Variants in POT1 observed in about 807,000 individuals in gnomAD.
POT1 encodes protection of telomeres protein 1.
In POT1, 47 loss-of-function variants were observed where a neutral mutation model predicts 78.5. That is an observed-to-expected ratio of 0.60 (90% CI 0.47 to 0.76). The LOEUF is 0.76. Among genes scored for constraint, POT1 ranks in the 30% least tolerant of loss-of-function variants. The pLI, the probability that POT1 is intolerant of heterozygous loss-of-function variation, is 0.00. For synonymous variants in POT1, 259 were observed against 260.7 expected (o/e 0.99, Z 0.06); for missense variants, 646 against 749.9 (o/e 0.86, Z 1.62).
At chr7:124,898,813 A>G (rs1796553468) in intron 3 of POT1, among the ~76,000 whole-genome samples, 1 of 152,156 alleles carries the variant, frequency 6.6e-6, no homozygotes, top group Admixed American at 6.5e-5. Context: ...CATGGACATA[A>G]TAAGAAATTT....
chr7:124,911,957 A>G (rs1234672079), intron 3 of POT1, among the ~76,000 whole-genome samples: 5 of 152,130 alleles, frequency 3.3e-5, no homozygotes, highest in Admixed American at 2.0e-4. Flanking sequence ...CCCTTATTTT[A>G]TATTTGATTA....
At chr7:124,903,756 A>C (rs965994848) in intron 3 of POT1, among the ~76,000 whole-genome samples, 1 of 152,140 alleles carries the variant, frequency 6.6e-6, no homozygotes, top group African/African-American at 2.4e-5. Context: ...TGAAAAGATC[A>C]ACAAAATTGA....
chr7:124,900,886 A>G lies in POT1; in HGVS notation c.-153-2512T>C. The G allele has an allele frequency of 8.8e-6, 3 of 340,228 alleles. 1 individual carries two copies. Among genetic ancestry groups the G allele is most frequent in the South Asian group, 7.0e-5 (3 of 43,106 alleles). The allele number at this position is 340,228 out of a possible 1,614,324, so 21.1% of individuals were successfully genotyped here. On this transcript the variant is annotated intron_variant, in intron 3 of 18. Coordinates refer to ENST00000357628, the MANE Select transcript of POT1 (RefSeq NM_015450.3). The stretch of plus-strand genomic sequence containing the variant: ...GGCTCATCAGGTCCCATGCCCACAG[A>G]GTTTTGCTCATTGCTGGCACAGCAG...
chr7:124,829,325 C>G lies in POT1; in HGVS notation c.1523G>C (p.Ser508Thr). The G allele has an allele frequency of 6.3e-7, 1 of 1,582,500 alleles. No individual in the cohort carries two copies. Among genetic ancestry groups the G allele is most frequent in the East Asian group, 2.2e-5 (1 of 44,666 alleles). ...ATTTAGATTTTGTATGGATCTCAAA[C>G]TAGAACACTGTTTACATCTGAAATT... The part of the protein sequence containing the change: ...IHHYGCKQCS[S>T]LRSIQNLNSL... The change falls in exon 16 of 19, where the codon AGT becomes ACT. Residue 508 changes from serine to threonine, a missense_variant. By Grantham distance (58) the Ser-to-Thr change is moderately conservative. Coordinates refer to ENST00000357628, the MANE Select transcript of POT1 (RefSeq NM_015450.3).
At chr7:124,879,981 C>G (rs1450402253) in intron 6 of POT1, among the ~76,000 whole-genome samples, 1 of 152,062 alleles carries the variant, frequency 6.6e-6, no homozygotes, top group Non-Finnish European at 1.5e-5. Context: ...TCCCCAAACA[C>G]TATACTGGCT....
rs76234220 is a variant in POT1 at position 124,880,397 on chromosome 7, T to C, written c.125-9356A>G. Among the ~76,000 whole-genome samples, 1,100 of 152,192 alleles carry C rather than the reference T, an allele frequency of 7.2e-3. 14 individuals carry two copies. Among genetic ancestry groups the C allele is most frequent in the African/African-American group, 0.024 (1,018 of 41,566 alleles). ...ACAGGAAAAAAACTGTGAATTTAAC[T>C]AGGCATAAATAATACTAAATAGTTT... On this transcript the variant is annotated intron_variant, in intron 6 of 18. Coordinates refer to ENST00000357628, the MANE Select transcript of POT1 (RefSeq NM_015450.3).
chr7:124,830,005 G>A (rs1307077650), intron 15 of POT1, among the ~76,000 whole-genome samples: 1 of 152,024 alleles, frequency 6.6e-6, no homozygotes, highest in African/African-American at 2.4e-5. Context: ...GCCTCTGTAA[G>A]TAATATCTTA....
intron 2 of POT1, among the ~76,000 whole-genome samples, chr7:124,927,546 C>T (rs1001258843): frequency 8.5e-5 from 13 of 152,152 alleles, no homozygotes; most frequent in African/African-American, 3.1e-4. Flanking sequence ...TCTTACGTAT[C>T]AAAGACTCCT....
At chr7:124,903,011 C>T (rs540330120) in intron 3 of POT1, among the ~76,000 whole-genome samples, 19 of 152,070 alleles carry the variant, frequency 1.2e-4, no homozygotes, top group African/African-American at 1.9e-4. Flanking sequence ...ACAGGAACGC[C>T]GAGATTCATA....
Position 124,823,318 on chromosome 7 carries a change from G to A in POT1, c.*644C>T, listed in dbSNP as rs945003966. The stretch of plus-strand genomic sequence containing the variant: ...ACCAGGTAATTTATATCTGTCTTTG[G>A]CAAATAACATACACAAATCTATATA... On this transcript the variant is annotated 3_prime_UTR_variant, in exon 19 of 19. Transcript: ENST00000357628. 6.6e-6 allele frequency: 1 copy of A among 151,322 alleles called. No homozygotes were observed. The highest frequency in any genetic ancestry group is 2.4e-5 in the African/African-American group (1 of 41,214). 9.4% of individuals were successfully genotyped at this position (151,322 alleles called of 1,614,324 possible). A position where few individuals can be genotyped will look rare whatever the true frequency, so the allele number is the denominator to read the frequency against.
intron 5 of POT1, among the ~76,000 whole-genome samples, chr7:124,895,492 T>C (rs1796470596): frequency 6.6e-6 from 1 of 151,600 alleles, no homozygotes; most frequent in Non-Finnish European, 1.5e-5. Context: ...AATAAAAGCC[T>C]GAAGAGAGAA....
At chr7:124,888,912 C>T (rs958516630) in intron 6 of POT1, among the ~76,000 whole-genome samples, 1 of 151,914 alleles carries the variant, frequency 6.6e-6, no homozygotes, top group Non-Finnish European at 1.5e-5. Flanking sequence ...TCTCCTGAGG[C>T]TCCTTATTCT....
At chr7:124,829,142 A>G in intron 16 of POT1, 112 bp downstream of exon 16, 1 of 799,986 alleles carries the variant, frequency 1.3e-6, no homozygotes. Context: ...AGAGGAAGGA[A>G]TAAGTATACA....
Position 124,924,811 on chromosome 7 carries a change from C to T in POT1, c.-227+4004G>A, listed in dbSNP as rs1208342334. On this transcript the variant is annotated intron_variant, in intron 2 of 18. Transcript: ENST00000357628. ...AGGGACGCAAGAATAGTTCAACATA[C>T]GCAAATCAGTAAGTGTTATACATCA... Among the ~76,000 whole-genome samples the T allele has an allele frequency of 5.9e-5, 9 of 152,060 alleles. No individual in the cohort carries two copies. The South Asian group carries it at 6.2e-4, about 11-fold the overall frequency.
chr7:124,909,780 GT>G (rs1381822799), intron 3 of POT1, among the ~76,000 whole-genome samples: 1 of 151,730 alleles, frequency 6.6e-6, no homozygotes, highest in African/African-American at 2.4e-5. Flanking sequence ...TAATGTACAT[GT>G]TTTGTAGATG....
chr7:124,827,567 G>A (rs1027804832), intron 16 of POT1, among the ~76,000 whole-genome samples: 6 of 152,100 alleles, frequency 3.9e-5, no homozygotes, highest in African/African-American at 1.4e-4. Flanking sequence ...AGTCTTCTGC[G>A]CTGATTGCTG....
At chr7:124,890,724 G>T (rs911314731) in intron 6 of POT1, among the ~76,000 whole-genome samples, 3 of 151,746 alleles carry the variant, frequency 2.0e-5, no homozygotes, top group Non-Finnish European at 4.4e-5. Flanking sequence ...TATCATCAAG[G>T]TGCATACATT....
chr7:124,874,679 G>C (rs938684325), intron 6 of POT1, among the ~76,000 whole-genome samples: 3 of 151,236 alleles, frequency 2.0e-5, no homozygotes, highest in African/African-American at 7.3e-5. Flanking sequence ...AGGTTGCAGT[G>C]AGCCGAGATC....
At chr7:124,864,280 T>C (rs960882142) in intron 7 of POT1, among the ~76,000 whole-genome samples, 3 of 152,168 alleles carry the variant, frequency 2.0e-5, no homozygotes, top group South Asian at 2.1e-4. Flanking sequence ...ACATTTTTTT[T>C]CCTACAGTTT....
Sources: allele counts gnomAD v4.1 joint callset (sites outside exome capture counted in the v4.1 genomes callset), GRCh38; gene constraint gnomAD v4.1.1; transcripts MANE v1.5; gene names NCBI Gene and HGNC (gene_info 2026-07-23, HGNC 2026-07-21).